Variants in MTSS1 observed in about 807,000 individuals in gnomAD.
MTSS1 encodes the protein MTSS I-BAR domain containing 1.
Under a neutral mutation model 79.0 loss-of-function variants are expected in MTSS1, and 18 were observed. That is an observed-to-expected ratio of 0.23 (90% CI 0.16 to 0.34). MTSS1 has a LOEUF of 0.34. Ranked by LOEUF, MTSS1 falls within the 10% of genes least tolerant of loss-of-function variation. MTSS1 has a pLI of 1.00. For synonymous variants in MTSS1, 341 were observed against 368.6 expected, an observed-to-expected ratio of 0.93 and a Z score of 0.86; for missense variants, 815 against 986.2, an observed-to-expected ratio of 0.83 and a Z score of 2.33.
In MTSS1 at chr8:124,585,181, G is replaced by GGAACAATT; in HGVS notation, c.386-28_386-21dup. 1 of 1,585,182 alleles carries GGAACAATT rather than the reference G, an allele frequency of 6.3e-7. No homozygotes were observed. Among genetic ancestry groups the GGAACAATT allele is most frequent in the South Asian group, 1.1e-5 (1 of 88,680 alleles). ...TATATTCTAAGAGAAAGCAGAATAT[G>GGAACAATT]GAACAATTTTACCACTTTGCTTAAC... On this transcript the variant is annotated intron_variant, in intron 5 of 13. Transcript: ENST00000518547.
chr8:124,596,630 A>G (rs772963021), intron 3 of MTSS1, among the ~76,000 whole-genome samples: 2 of 152,184 alleles, frequency 1.3e-5, no homozygotes, highest in Non-Finnish European at 2.9e-5. Context: ...TGCTGTAACA[A>G]AGCAACCCAA....
chr8:124,570,109 C>G (rs1192966584), intron 6 of MTSS1, among the ~76,000 whole-genome samples: 1 of 152,190 alleles, frequency 6.6e-6, no homozygotes, highest in Non-Finnish European at 1.5e-5. Flanking sequence ...GGCAATCAGG[C>G]TTAAAGCACA....
intron 13 of MTSS1, among the ~76,000 whole-genome samples, chr8:124,555,403 G>A (rs941818899): frequency 9.9e-5 from 15 of 152,154 alleles, no homozygotes; most frequent in Non-Finnish European, 1.8e-4. Flanking sequence ...CTGCCACCAC[G>A]CCCGGCTAAT....
intron 6 of MTSS1, among the ~76,000 whole-genome samples, chr8:124,573,267 C>T (rs146040256): frequency 2.2e-4 from 33 of 152,382 alleles, no homozygotes; most frequent in Admixed American, 3.9e-4. Flanking sequence ...TCTGCTGTCC[C>T]TCTGCTACAT....
intron 6 of MTSS1, among the ~76,000 whole-genome samples, chr8:124,574,164 C>T (rs4585740): frequency 0.078 from 11,880 of 152,048 alleles, 617 homozygotes; most frequent in Non-Finnish European, 0.11. Context: ...AGGCTGGTCT[C>T]GAACTCCTGA....
chr8:124,572,598 G>A (rs181315064), intron 6 of MTSS1, among the ~76,000 whole-genome samples: 5 of 152,158 alleles, frequency 3.3e-5, no homozygotes, highest in East Asian at 1.9e-4. Context: ...CTCCATCCTC[G>A]TCTCACCTCT....
rs1458095302 is a variant in MTSS1, at chr8:124,557,894, A to C, written c.1036-19T>G. 4.7e-6 allele frequency: 7 copies of C among 1,490,804 alleles called. No individual in the cohort carries two copies. Among genetic ancestry groups the C allele is most frequent in the Non-Finnish European group, 6.4e-6 (7 of 1,095,976 alleles). 92.3% of individuals were successfully genotyped at this position (1,490,804 alleles called of 1,614,324 possible). A position where few individuals can be genotyped will look rare whatever the true frequency, so the allele number is the denominator to read the frequency against. The stretch of plus-strand genomic sequence containing the variant: ...TAGACAACTGGAAACAAACAAAAAA[A>C]GGGGGGGGGAAGGAAAAAAAATTAA... On this transcript the variant is annotated intron_variant, in intron 10 of 13. Coordinates refer to ENST00000518547, the MANE Select transcript of MTSS1 (RefSeq NM_014751.6).
intron 3 of MTSS1, among the ~76,000 whole-genome samples, chr8:124,649,637 C>T (rs921552055): frequency 6.6e-6 from 1 of 152,138 alleles, no homozygotes; most frequent in Non-Finnish European, 1.5e-5. Flanking sequence ...ACCACTGTTA[C>T]TCAAGAAAGA....
intron 2 of MTSS1, 73 bp downstream of exon 2, chr8:124,704,057 A>C: frequency 7.3e-7 from 1 of 1,362,012 alleles, no homozygotes; most frequent in Non-Finnish European, 1.0e-6. Flanking sequence ...ATCAATCTGC[A>C]TTTTGGTCTG....
chr8:124,622,341 A>T lies in MTSS1; in HGVS notation c.209-31106T>A, dbSNP rs1813728251. On this transcript the variant is annotated intron_variant, in intron 3 of 13. Coordinates refer to ENST00000518547, the MANE Select transcript of MTSS1 (RefSeq NM_014751.6). ...GGGGAGGTGAAGGAGGAAACGGGAG[A>T]TGTAGGTGAAAGGACGCAGAGAGGC... Among the ~76,000 whole-genome samples the T allele has an allele frequency of 1.3e-5, 2 of 151,946 alleles. 1 individual carries two copies. The highest frequency in any genetic ancestry group is 1.3e-4 in the Admixed American group (2 of 15,252).
At position 124,562,918 on chromosome 8, in the gene MTSS1, C is replaced by T. The variant is rs775256532; in HGVS notation, c.899G>A (p.Arg300His). 3.9e-5 allele frequency: 63 copies of T among 1,613,666 alleles called. No individual in the cohort carries two copies. In the Middle Eastern group the frequency reaches 4.9e-4, roughly 13 times the overall value. ...SHSHSPSSHY[R>H]YRSSNLAQQA... ...CTGGGCCAGGTTGGAGCTGCGGTAG[C>T]GGTAATGTGAGCTGGGGGAATGCGA... The change falls in exon 10 of 14, where the codon CGC becomes CAC. Residue 300 changes from arginine (R) to histidine (H), a missense_variant. This residue lies in a region of MTSS1 where 590 missense variants were observed against 620.8 expected (regional missense o/e 0.95). Coordinates refer to ENST00000518547, the MANE Select transcript of MTSS1 (RefSeq NM_014751.6).
chr8:124,600,412 C>T (rs1014056211), intron 3 of MTSS1, among the ~76,000 whole-genome samples: 2 of 152,208 alleles, frequency 1.3e-5, no homozygotes, highest in Admixed American at 6.5e-5. Context: ...GGTTTATAAG[C>T]GCACACAGCG....
At chr8:124,646,406 A>C (rs1819010672) in intron 3 of MTSS1, among the ~76,000 whole-genome samples, 1 of 152,202 alleles carries the variant, frequency 6.6e-6, no homozygotes, top group African/African-American at 2.4e-5. Flanking sequence ...AAAAAATCTA[A>C]AAATATTTTC....
intron 1 of MTSS1, among the ~76,000 whole-genome samples, chr8:124,706,820 T>C (rs59653947): frequency 0.013 from 1,962 of 152,282 alleles, 35 homozygotes; most frequent in African/African-American, 0.045. Flanking sequence ...CATCAAGACA[T>C]AGTGGGGACT....
At chr8:124,658,445 T>C (rs1259583010) in intron 3 of MTSS1, among the ~76,000 whole-genome samples, 1 of 152,210 alleles carries the variant, frequency 6.6e-6, no homozygotes, top group Non-Finnish European at 1.5e-5. Flanking sequence ...TAAACCTCTT[T>C]TTCTTTATAA....
chr8:124,555,879 T>C lies in MTSS1; in HGVS notation c.1430A>G (p.Glu477Gly). 1 of 1,609,880 alleles carries C rather than the reference T, an allele frequency of 6.2e-7. No individual in the cohort carries two copies. Among genetic ancestry groups the C allele is most frequent in the Non-Finnish European group, 8.5e-7 (1 of 1,179,938 alleles). ...CCGAGACAGGGCCAGGGCCAGCTCC[T>C]CACAAGCCTCCATCTCCTCACCAGG... ...TRPGEEMEAC[E>G]ELALALSRGL... The change falls in exon 13 of 14, where the codon GAG becomes GGG. Residue 477 changes from glutamate to glycine, a missense_variant. This residue lies in a region of MTSS1 where 590 missense variants were observed against 620.8 expected (regional missense o/e 0.95). Coordinates refer to ENST00000518547, the MANE Select transcript of MTSS1 (RefSeq NM_014751.6).
intron 1 of MTSS1, among the ~76,000 whole-genome samples, chr8:124,718,403 T>G (rs748746934): frequency 9.2e-5 from 14 of 152,172 alleles, no homozygotes; most frequent in Non-Finnish European, 1.5e-4. Flanking sequence ...CCTCAGTCCC[T>G]CCAGCGGAGG....
intron 3 of MTSS1, among the ~76,000 whole-genome samples, chr8:124,605,640 G>GCCC (rs1554667806): frequency 7.9e-6 from 1 of 126,350 alleles, no homozygotes; most frequent in East Asian, 2.5e-4. Context: ...CCTCGCGCTG[G>GCCC]GCTCCCGTTG....
intron 3 of MTSS1, among the ~76,000 whole-genome samples, chr8:124,671,487 C>G (rs987650203): frequency 6.6e-6 from 1 of 152,324 alleles, no homozygotes; most frequent in African/African-American, 2.4e-5. Flanking sequence ...GCCCTCCTGG[C>G]TGCCTTCTAC....
Sources: gnomAD v4.1 joint callset for allele counts (sites outside exome capture counted in the v4.1 genomes callset) on GRCh38, gnomAD v4.1.1 for gene constraint, gnomAD v4.1.1 regional missense constraint, MANE v1.5 for transcripts, NCBI Gene and HGNC (gene_info 2026-07-23, HGNC 2026-07-21) for gene names.